TLN2: variants seen among roughly 807,000 people sequenced by gnomAD.
The protein encoded by TLN2 is talin 2.
In TLN2, 118 loss-of-function variants were observed where a neutral mutation model predicts 294.7. The observed-to-expected ratio is 0.40, with a 90% confidence interval of 0.34 to 0.47. The LOEUF is 0.47. TLN2 is among the 20% of genes least tolerant of loss of function. The probability of loss-of-function intolerance (pLI) is 0.84; values close to 1 mark genes in which losing one functional copy is unlikely to be tolerated. For synonymous variants in TLN2, 1,431 were observed against 1,304.5 expected (o/e 1.10, Z -2.09); for missense variants, 3,083 against 3,282.2 (o/e 0.94, Z 1.48).
At chr15:62,752,750 T>C (rs56235665) in intron 35 of TLN2, among the ~76,000 whole-genome samples, 2 of 152,206 alleles carry the variant, frequency 1.3e-5, no homozygotes, top group Admixed American at 6.5e-5. Context: ...CTAAATAATT[T>C]AAATTTGCTA....
intron 1 of TLN2, among the ~76,000 whole-genome samples, chr15:62,411,400 T>C (rs2033765748): frequency 6.6e-6 from 1 of 151,134 alleles, no homozygotes; most frequent in South Asian, 2.1e-4. Flanking sequence ...AATTAGATGT[T>C]ATTCCTCCTT....
chr15:62,608,813 A>G (rs2047664219), intron 2 of TLN2, among the ~76,000 whole-genome samples: 1 of 152,130 alleles, frequency 6.6e-6, no homozygotes, highest in African/African-American at 2.4e-5. Context: ...CTGAGGGTAC[A>G]TGGGATGGAC....
At chr15:62,703,380 G>T (rs1369265714) in intron 19 of TLN2, among the ~76,000 whole-genome samples, 1 of 152,030 alleles carries the variant, frequency 6.6e-6, no homozygotes, top group Non-Finnish European at 1.5e-5. Flanking sequence ...GATTACAGGC[G>T]TGAGCCACCG....
At chr15:62,808,000 G>C (rs1454969759) in intron 51 of TLN2, among the ~76,000 whole-genome samples, 1 of 152,194 alleles carries the variant, frequency 6.6e-6, no homozygotes, top group Admixed American at 6.5e-5. Flanking sequence ...GGGTTGCTGA[G>C]TGGTGGTCAA....
At chr15:62,699,262 G>A (rs1389305814) in intron 16 of TLN2, among the ~76,000 whole-genome samples, 4 of 152,164 alleles carry the variant, frequency 2.6e-5, no homozygotes, top group Non-Finnish European at 5.9e-5. Flanking sequence ...CTCGCACATA[G>A]TAAGAGCTCA....
chr15:62,796,196 G>A lies in TLN2; in HGVS notation c.5953G>A (p.Ala1985Thr), dbSNP rs375134469. Residue 1985 changes from alanine to threonine, a missense_variant, in exon 47 of 59, where the codon GCT becomes ACT. Transcript: ENST00000636159. Reference sequence around the variant, plus strand: ...CCAGGCATGCATTACAGCCGCCACCGCTGTGTCTGGGATCATTGCCGACCT... The same window carrying A: ...CCAGGCATGCATTACAGCCGCCACCACTGTGTCTGGGATCATTGCCGACCT... ...GTQACITAATAVSGIIADLDT... is the reference protein window; with the variant it reads ...GTQACITAATTVSGIIADLDT... 16 of 1,614,080 alleles carry A rather than the reference G, an allele frequency of 9.9e-6. No homozygotes were observed. The highest frequency in any genetic ancestry group is 9.3e-5 in the African/African-American group (7 of 74,928).
At chr15:62,475,602 G>A (rs28470962) in intron 1 of TLN2, among the ~76,000 whole-genome samples, 5,709 of 152,210 alleles carry the variant, frequency 0.038, 126 homozygotes, top group African/African-American at 0.066. Context: ...TTTTCTTCTT[G>A]TTCTTATTCT....
intron 1 of TLN2, among the ~76,000 whole-genome samples, chr15:62,575,605 A>AAAAAAC (rs1555433516): frequency 4.0e-5 from 6 of 149,990 alleles, no homozygotes; most frequent in African/African-American, 1.5e-4. Flanking sequence ...TCACTTAAAA[A>AAAAAAC]ACACACACAC....
intron 19 of TLN2, among the ~76,000 whole-genome samples, chr15:62,705,560 T>G (rs954971779): frequency 7.2e-5 from 11 of 152,238 alleles, no homozygotes; most frequent in Non-Finnish European, 1.0e-4. Context: ...CAAAGTCCTT[T>G]AGAACAATCA....
At chr15:62,472,494 C>T (rs1056175222) in intron 1 of TLN2, among the ~76,000 whole-genome samples, 1 of 152,194 alleles carries the variant, frequency 6.6e-6, no homozygotes, top group Non-Finnish European at 1.5e-5. Context: ...TTCTCCCGTG[C>T]TTCAGCCCTG....
At chr15:62,723,242 A>G (rs2060250428) in intron 26 of TLN2, among the ~76,000 whole-genome samples, 1 of 152,232 alleles carries the variant, frequency 6.6e-6, no homozygotes, top group African/African-American at 2.4e-5. Flanking sequence ...CCAGAGCTTT[A>G]GACTATAGCC....
intron 1 of TLN2, among the ~76,000 whole-genome samples, chr15:62,547,542 C>T (rs1220306940): frequency 6.6e-6 from 1 of 152,108 alleles, no homozygotes; most frequent in Admixed American, 6.5e-5. Flanking sequence ...CAGAGTGCTC[C>T]GAAGGTATCT....
intron 1 of TLN2, among the ~76,000 whole-genome samples, chr15:62,497,466 C>G (rs746867613): frequency 1.3e-5 from 2 of 152,222 alleles, no homozygotes; most frequent in Non-Finnish European, 2.9e-5. Context: ...CCTTCTGGAA[C>G]TCCAGCAGTT....
chr15:62,570,811 C>T (rs527757297), intron 1 of TLN2, among the ~76,000 whole-genome samples: 11 of 152,166 alleles, frequency 7.2e-5, no homozygotes, highest in Non-Finnish European at 1.5e-4. Flanking sequence ...GAAAATTGCC[C>T]TTGGTTGAGA....
intron 32 of TLN2, among the ~76,000 whole-genome samples, chr15:62,741,330 A>C (rs2061308936): frequency 6.6e-6 from 1 of 152,186 alleles, no homozygotes; most frequent in African/African-American, 2.4e-5. Context: ...CATGAGTGTG[A>C]ATTTTGGATG....
intron 3 of TLN2, chr15:62,645,159 C>T (rs2051679756): frequency 6.5e-6 from 1 of 153,480 alleles, no homozygotes; most frequent in African/African-American, 2.4e-5. Flanking sequence ...TTTATTTCCC[C>T]CAATCGGGGA....
chr15:62,750,288 G>A, intron 33 of TLN2, 114 bp from the exon 34 acceptor site: 2 of 838,574 alleles, frequency 2.4e-6, no homozygotes, highest in Admixed American at 3.7e-5. Context: ...GAGTAAAAGT[G>A]ATCATGACCA....
At chr15:62,532,161 C>T (rs755587812) in intron 1 of TLN2, among the ~76,000 whole-genome samples, 7 of 152,046 alleles carry the variant, frequency 4.6e-5, no homozygotes, top group South Asian at 4.1e-4. Flanking sequence ...GCAATCCTCC[C>T]GTCTTGGCCC....
rs1595828442 is a variant in TLN2 at position 62,448,664 on chromosome 15, T to G, written c.-238+57979T>G. 2.0e-5 allele frequency among the ~76,000 whole-genome samples: 3 copies of G among 152,276 alleles called. No individual in the cohort carries two copies. The South Asian group carries it at 6.2e-4, about 32-fold the overall frequency. On this transcript the variant is annotated intron_variant, in intron 1 of 58. Coordinates refer to ENST00000636159, the MANE Select transcript of TLN2 (RefSeq NM_015059.3). ...TTAATCACAGAGAGAAATGCTGAGG[T>G]TTGTTTTAACTGAGATACAAAATGT...
Sources: gnomAD v4.1 joint callset for allele counts (sites outside exome capture counted in the v4.1 genomes callset) on GRCh38, gnomAD v4.1.1 for gene constraint, MANE v1.5 for transcripts, NCBI Gene and HGNC (gene_info 2026-07-23, HGNC 2026-07-21) for gene names.